The following TMCC3 variants were observed in gnomAD, a reference collection of about 807,000 sequenced individuals.
The protein encoded by TMCC3 is transmembrane and coiled-coil domain family 3.
Under a neutral mutation model 40.2 loss-of-function variants are expected in TMCC3, and 28 were observed. The observed-to-expected ratio is 0.70, with a 90% CI of 0.52 to 0.95. The LOEUF (loss-of-function observed/expected upper bound fraction) is 0.95, where lower values mean the gene tolerates loss of function less well. Ranked by LOEUF, TMCC3 falls within the 40% of genes least tolerant of loss-of-function variation. TMCC3 has a pLI of 0.00. For missense variants in TMCC3, 554 were observed against 615.2 expected, an observed-to-expected ratio of 0.90 and a Z score of 1.05; for synonymous variants, 255 against 248.5, an observed-to-expected ratio of 1.03 and a Z score of -0.25.
intron 1 of TMCC3, among the ~76,000 whole-genome samples, chr12:94,582,994 TA>T (rs72289280): frequency 3.7e-3 from 69 of 18,586 alleles, no homozygotes; most frequent in African/African-American, 0.033. Context: ...TTTTTTTTTT[TA>T]AAAAAGAAAG....
At chr12:94,617,050 G>A (rs1312944863) in intron 1 of TMCC3, among the ~76,000 whole-genome samples, 1 of 152,188 alleles carries the variant, frequency 6.6e-6, no homozygotes, top group Non-Finnish European at 1.5e-5. Context: ...TATGAAGGAG[G>A]TGGAATGAGA....
At chr12:94,596,192 G>A (rs962383268) in intron 1 of TMCC3, among the ~76,000 whole-genome samples, 3 of 152,106 alleles carry the variant, frequency 2.0e-5, no homozygotes, top group Non-Finnish European at 2.9e-5. Flanking sequence ...TAGCCCCTAG[G>A]GTAAGGCTGG....
intron 1 of TMCC3, among the ~76,000 whole-genome samples, chr12:94,611,244 A>G (rs1382274027): frequency 6.6e-6 from 1 of 152,202 alleles, no homozygotes. Flanking sequence ...AAATAAAACC[A>G]TGGCTTAAAA....
chr12:94,591,713 C>T (rs1248225347), intron 1 of TMCC3, among the ~76,000 whole-genome samples: 1 of 152,094 alleles, frequency 6.6e-6, no homozygotes, highest in Admixed American at 6.5e-5. Context: ...TGAATCACGC[C>T]ACTGCACTCC....
At chr12:94,619,407 C>T (rs151290297) in intron 1 of TMCC3, among the ~76,000 whole-genome samples, 213 of 152,260 alleles carry the variant, frequency 1.4e-3, no homozygotes, top group African/African-American at 4.7e-3. Context: ...TAAGCCAGTC[C>T]CTAGCTTTTT....
Position 94,571,139 on chromosome 12 carries a change from A to C in TMCC3, c.*296T>G, listed in dbSNP as rs1340586473. ...TTTCTTCAGGATCACCAATTATGCC[A>C]AGGTCTCAATATACAGAGGTTTACC... On this transcript the variant is annotated 3_prime_UTR_variant, in exon 4 of 4. Transcript: ENST00000261226. The C allele has an allele frequency of 6.1e-6, 2 of 330,206 alleles. No individual in the cohort carries two copies. The highest frequency in any genetic ancestry group is 4.4e-5 in the Admixed American group (1 of 22,496). The allele number at this position is 330,206 out of a possible 1,614,324, so 20.5% of individuals were successfully genotyped here.
chr12:94,619,478 C>G (rs917899257), intron 1 of TMCC3, among the ~76,000 whole-genome samples: 1 of 152,222 alleles, frequency 6.6e-6, no homozygotes, highest in Non-Finnish European at 1.5e-5. Context: ...TCATGTCATT[C>G]CTCCAGGCAG....
intron 2 of TMCC3, among the ~76,000 whole-genome samples, chr12:94,580,060 A>G (rs1021043501): frequency 6.6e-6 from 1 of 152,262 alleles, no homozygotes; most frequent in Non-Finnish European, 1.5e-5. Context: ...TTTCTAAATT[A>G]ATACAGACAT....
chr12:94,627,360 C>T (rs2068909308), intron 1 of TMCC3, among the ~76,000 whole-genome samples: 1 of 152,188 alleles, frequency 6.6e-6, no homozygotes, highest in East Asian at 1.9e-4. Flanking sequence ...CTGACCGCTT[C>T]TCATCACCTC....
intron 1 of TMCC3, among the ~76,000 whole-genome samples, chr12:94,626,380 T>C (rs544653486): frequency 6.6e-6 from 1 of 152,210 alleles, no homozygotes; most frequent in South Asian, 2.1e-4. Flanking sequence ...AAGCCAAAAG[T>C]AGAGAGAAGA....
chr12:94,630,170 A>C (rs1180743336), intron 1 of TMCC3, among the ~76,000 whole-genome samples: 1 of 151,892 alleles, frequency 6.6e-6, no homozygotes, highest in Non-Finnish European at 1.5e-5. Flanking sequence ...GGAGGCTGAG[A>C]CATGAACCCA....
At chr12:94,575,672 GAAC>G (rs539804858) in intron 3 of TMCC3, among the ~76,000 whole-genome samples, 1 of 152,096 alleles carries the variant, frequency 6.6e-6, no homozygotes, top group Non-Finnish European at 1.5e-5. Context: ...AAACACAGAA[GAAC>G]AATATTAACC....
At chr12:94,597,548 T>C (rs1238840010) in intron 1 of TMCC3, among the ~76,000 whole-genome samples, 1 of 152,014 alleles carries the variant, frequency 6.6e-6, no homozygotes, top group Non-Finnish European at 1.5e-5. Context: ...CTCACGCCTG[T>C]AATCCCAGCA....
chr12:94,574,883 T>C (rs1445131046), intron 3 of TMCC3, among the ~76,000 whole-genome samples: 2 of 152,208 alleles, frequency 1.3e-5, no homozygotes, highest in East Asian at 1.9e-4. Flanking sequence ...CGTGTACAAA[T>C]AGACCGATCT....
intron 1 of TMCC3, among the ~76,000 whole-genome samples, chr12:94,628,598 G>A (rs181422254): frequency 5.9e-5 from 9 of 152,288 alleles, no homozygotes; most frequent in Admixed American, 2.0e-4. Flanking sequence ...GGAAACAAGC[G>A]CAACAAGGCT....
At chr12:94,609,531 A>C (rs2068802641) in intron 1 of TMCC3, among the ~76,000 whole-genome samples, 1 of 152,222 alleles carries the variant, frequency 6.6e-6, no homozygotes, top group African/African-American at 2.4e-5. Flanking sequence ...TTGCAGCCCC[A>C]GAGCCTCATA....
At chr12:94,589,132 T>C (rs2068656244) in intron 1 of TMCC3, among the ~76,000 whole-genome samples, 7 of 142,848 alleles carry the variant, frequency 4.9e-5, no homozygotes, top group Admixed American at 4.8e-4. Context: ...CAGTATGAGG[T>C]TGTTGTTTTT....
intron 1 of TMCC3, among the ~76,000 whole-genome samples, chr12:94,633,186 T>C (rs1357279302): frequency 6.6e-6 from 1 of 152,192 alleles, no homozygotes; most frequent in Non-Finnish European, 1.5e-5. Flanking sequence ...AACCCAAGAA[T>C]ACATATATTT....
At chr12:94,613,816 C>G (rs573423488) in intron 1 of TMCC3, 2 of 151,874 alleles carry the variant, frequency 1.3e-5, no homozygotes, top group African/African-American at 4.8e-5. Flanking sequence ...TGGAGTAGGC[C>G]GGACGCAGTG....
Sources: gnomAD v4.1 joint callset for allele counts (sites outside exome capture counted in the v4.1 genomes callset) on GRCh38, gnomAD v4.1.1 for gene constraint, MANE v1.5 for transcripts, NCBI Gene and HGNC (gene_info 2026-07-23, HGNC 2026-07-21) for gene names.